The following BICRA variants were observed in gnomAD, a reference collection of about 807,000 sequenced individuals.
The protein encoded by BICRA is BRD4-interacting chromatin-remodeling complex-associated protein.
A neutral mutation model predicts 96.9 loss-of-function variants in BICRA; 31 were observed. That is an observed-to-expected ratio of 0.32 (90% confidence interval 0.24 to 0.43). BICRA has a LOEUF of 0.43. Among genes scored for constraint, BICRA ranks in the 20% least tolerant of loss-of-function variants. BICRA has a pLI of 1.00. For synonymous variants in BICRA, 1,350 were observed against 1,071.8 expected (o/e 1.26, Z -5.07); for missense variants, 2,283 against 2,190.3 (o/e 1.04, Z -0.84).
chr19:47,666,528 C>T lies in BICRA; in HGVS notation c.-107-3915C>T, dbSNP rs148588870. Among the ~76,000 whole-genome samples, 381 of 152,132 alleles carry T rather than the reference C, an allele frequency of 2.5e-3. 2 individuals are homozygous for T. The highest frequency in any genetic ancestry group is 8.7e-3 in the African/African-American group (361 of 41,506). On this transcript the variant is annotated intron_variant, in intron 1 of 14. Coordinates refer to ENST00000594866, the MANE Select transcript of BICRA (RefSeq NM_001394372.1). ...CTGACCTCAGTTGATCCTCCCACCC[C>T]GCCCTCCCAAAGTGCTGGCATTACA... is the stretch of plus-strand genomic sequence containing the variant.
chr19:47,660,648 G>A (rs1295343102), intron 1 of BICRA, among the ~76,000 whole-genome samples: 4 of 152,182 alleles, frequency 2.6e-5, no homozygotes, highest in African/African-American at 7.2e-5. Context: ...GACAACTAAA[G>A]GGATAGAGGA....
chr19:47,616,416 C>T (rs534705985), intron 1 of BICRA, among the ~76,000 whole-genome samples: 52 of 152,258 alleles, frequency 3.4e-4, no homozygotes, highest in Non-Finnish European at 6.9e-4. Context: ...GCAGGCGGAT[C>T]ACTTGAGGTC....
Position 47,694,750 on chromosome 19 carries a change from G to C in BICRA, c.2895+24G>C, listed in dbSNP as rs758298728. ...AGGTAACGGGAGGCAGGGACTGCCC[G>C]CCCCATCAGCCCCATCCCATCCCAC... On this transcript the variant is annotated intron_variant, in intron 8 of 14. Coordinates refer to ENST00000594866, the MANE Select transcript of BICRA (RefSeq NM_001394372.1). 9.3e-6 allele frequency: 11 copies of C among 1,177,858 alleles called. No individual in the cohort carries two copies. The East Asian group carries it at 2.6e-4, about 28-fold the overall frequency. The allele number at this position is 1,177,858 out of a possible 1,614,324, so 73.0% of individuals were successfully genotyped here.
chr19:47,682,275 C>T lies in BICRA; in HGVS notation c.2283+123C>T, dbSNP rs1035986139. The T allele has an allele frequency of 4.0e-4, 229 of 570,446 alleles. 2 individuals carry two copies. The African/African-American group carries it at 4.1e-3, about 10-fold the overall frequency. The allele number at this position is 570,446 out of a possible 1,614,324, so 35.3% of individuals were successfully genotyped here. A position where few individuals can be genotyped will look rare whatever the true frequency, so the allele number is the denominator to read the frequency against. On this transcript the variant is annotated intron_variant, in intron 7 of 14. Transcript: ENST00000594866. ...TGTTCTGCTGACTTGGAACACAGAG[C>T]TCTCCTTCACCCCCCAAGTGTCTCC... is the stretch of plus-strand genomic sequence containing the variant.
At chr19:47,682,486 G>C (rs555511062) in intron 7 of BICRA, among the ~76,000 whole-genome samples, 1 of 152,160 alleles carries the variant, frequency 6.6e-6, no homozygotes, top group Non-Finnish European at 1.5e-5. Context: ...GAAAGCCCCC[G>C]TCTCCTGAAC....
chr19:47,629,466 G>C (rs1036990101), intron 1 of BICRA, among the ~76,000 whole-genome samples: 5 of 152,084 alleles, frequency 3.3e-5, no homozygotes, highest in African/African-American at 1.2e-4. Context: ...TTATTGTATT[G>C]TCCTGAAGGC....
rs149752987 is a variant in BICRA, at chr19:47,621,886, G to C, written c.-108+12718G>C. Among the ~76,000 whole-genome samples, 1,060 of 152,270 alleles carry C rather than the reference G, an allele frequency of 7.0e-3. 20 individuals are homozygous for C. Among genetic ancestry groups the C allele is most frequent in the African/African-American group, 0.024 (991 of 41,558 alleles). Reference sequence around the variant, plus strand: ...GGCTCACTGCAACCTCCACCTCCCAGGTTCAAGCAATTCTCCTGCCTTGGC... The same window carrying C: ...GGCTCACTGCAACCTCCACCTCCCACGTTCAAGCAATTCTCCTGCCTTGGC... On this transcript the variant is annotated intron_variant, in intron 1 of 14. Transcript: ENST00000594866.
Position 47,702,364 on chromosome 19 carries a change from C to T in BICRA, c.4632C>T (p.Tyr1544=), listed in dbSNP as rs1973476869. Reference sequence around the variant, plus strand: ...CGCCCCTGCACAGGCCCGAGGCCTACCCACCCTCCAGTCACAACGGTGGCC... The same window carrying T: ...CGCCCCTGCACAGGCCCGAGGCCTATCCACCCTCCAGTCACAACGGTGGCC... ...SPPPLHRPEA[Y]PPSSHNGGLG... is the part of the protein sequence containing the mutation. Residue 1544 remains tyrosine, a synonymous_variant, in exon 15 of 15, where the codon TAC becomes TAT. Transcript: ENST00000594866. 1.3e-6 allele frequency: 2 copies of T among 1,527,712 alleles called. No homozygotes were observed. The highest frequency in any genetic ancestry group is 1.7e-6 in the Non-Finnish European group (2 of 1,148,296). The allele number at this position is 1,527,712 out of a possible 1,614,324, so 94.6% of individuals were successfully genotyped here. A position where few individuals can be genotyped will look rare whatever the true frequency, so the allele number is the denominator to read the frequency against.
chr19:47,701,075 T>G lies in BICRA; in HGVS notation c.3596-253T>G. 1.9e-6 allele frequency: 1 copy of G among 524,334 alleles called. No homozygotes were observed. The highest frequency in any genetic ancestry group is 3.3e-6 in the Non-Finnish European group (1 of 298,556). 32.5% of individuals were successfully genotyped at this position (524,334 alleles called of 1,614,324 possible). On this transcript the variant is annotated intron_variant, in intron 14 of 14. Coordinates refer to ENST00000594866, the MANE Select transcript of BICRA (RefSeq NM_001394372.1). The surrounding 1 kb of genome is among the most constrained non-coding windows in gnomAD (Gnocchi z 5.4). ...TTACAGGCCTGAGCCTTGTTTTGTATTCTCTTAATTTACTTATGTCTGAAT... is the reference window on the plus strand; with the variant it reads ...TTACAGGCCTGAGCCTTGTTTTGTAGTCTCTTAATTTACTTATGTCTGAAT...
chr19:47,668,965 G>A (rs1007670267), intron 1 of BICRA, among the ~76,000 whole-genome samples: 4 of 151,964 alleles, frequency 2.6e-5, no homozygotes, highest in African/African-American at 9.7e-5. Flanking sequence ...ACTTAGCCGG[G>A]TATAGTGGCA....
At chr19:47,620,035 G>T (rs893259805) in intron 1 of BICRA, among the ~76,000 whole-genome samples, 34 of 152,152 alleles carry the variant, frequency 2.2e-4, no homozygotes, top group Non-Finnish European at 1.0e-4. Context: ...TTTCACAGAG[G>T]GGGAGTCCTG....
At chr19:47,608,200 G>C (rs1435977938), upstream of BICRA, 1 of 152,228 alleles carries the variant, frequency 6.6e-6, no homozygotes, top group Non-Finnish European at 1.5e-5. Flanking sequence ...CCATCAGCGC[G>C]GCCAGAGCGG....
chr19:47,654,750 C>T (rs529217682), intron 1 of BICRA, among the ~76,000 whole-genome samples: 21 of 149,182 alleles, frequency 1.4e-4, no homozygotes, highest in African/African-American at 4.9e-4. Flanking sequence ...CCCAGGAATT[C>T]AAGACCAGCC....
In BICRA at chr19:47,679,883, TG is replaced by T; in HGVS notation, c.716del (p.Gly239AlafsTer35). The T allele has an allele frequency of 6.6e-7, 1 of 1,518,844 alleles. No homozygotes were observed. Among genetic ancestry groups the T allele is most frequent in the South Asian group, 1.2e-5 (1 of 82,102 alleles). 94.1% of individuals were successfully genotyped at this position (1,518,844 alleles called of 1,614,324 possible). On this transcript the variant is annotated frameshift_variant, in exon 6 of 15. Transcript: ENST00000594866. LOFTEE classifies it high-confidence loss of function. ...ATLGLAPIQVVGQPVMALNTP... is the reference protein window; with the variant it reads ...ATLGLAPIQVXGQPVMALNTP... ...CTGGGCCTGGCGCCCATCCAGGTGGTGGGCCAGCCCGTCATGGCGCTCAACA... is the reference window on the plus strand; with the variant it reads ...CTGGGCCTGGCGCCCATCCAGGTGGTGGCCAGCCCGTCATGGCGCTCAACA...
At position 47,648,550 on chromosome 19, in the gene BICRA, C is replaced by T. The variant is rs562354830; in HGVS notation, c.-107-21893C>T. Among the ~76,000 whole-genome samples the T allele has an allele frequency of 2.4e-3, 357 of 151,754 alleles. 4 individuals carry two copies. The highest frequency in any genetic ancestry group is 4.4e-3 in the Non-Finnish European group (297 of 67,960). On this transcript the variant is annotated intron_variant, in intron 1 of 14. Coordinates refer to ENST00000594866, the MANE Select transcript of BICRA (RefSeq NM_001394372.1). ...AGAGGGACTGGGGGAGGGCTTGTGA[C>T]TACAGACGGCCCTGGTGACACTCGA...
intron 1 of BICRA, among the ~76,000 whole-genome samples, chr19:47,654,790 GAA>G (rs58825818): frequency 0.62 from 88,499 of 143,882 alleles, 26,885 homozygotes; most frequent in Admixed American, 0.63. Context: ...CCATCTCTAT[GAA>G]AAAAAAAAAA....
At chr19:47,613,357 G>C (rs940826605) in intron 1 of BICRA, among the ~76,000 whole-genome samples, 1 of 152,208 alleles carries the variant, frequency 6.6e-6, no homozygotes, top group Non-Finnish European at 1.5e-5. Flanking sequence ...GCTGGTAGGG[G>C]AAGTTAATTG....
At chr19:47,656,815 G>A (rs1017025488) in intron 1 of BICRA, among the ~76,000 whole-genome samples, 2 of 151,838 alleles carry the variant, frequency 1.3e-5, no homozygotes, top group Non-Finnish European at 2.9e-5. Flanking sequence ...GCGGCCACAC[G>A]TCTGATATTT....
chr19:47,647,341 T>C (rs1972474924), intron 1 of BICRA, among the ~76,000 whole-genome samples: 1 of 152,140 alleles, frequency 6.6e-6, no homozygotes, highest in African/African-American at 2.4e-5. Context: ...TAACTGTGTG[T>C]TAACCTACTG....
Sources: gnomAD v4.1 joint callset for allele counts (sites outside exome capture counted in the v4.1 genomes callset) on GRCh38, gnomAD v4.1.1 for gene constraint, Gnocchi (gnomAD v3.1) non-coding constraint, MANE v1.5 for transcripts, NCBI Gene and HGNC (gene_info 2026-07-23, HGNC 2026-07-21) for gene names.